SLC38A8: variants seen among roughly 807,000 people sequenced by gnomAD.
SLC38A8 encodes solute carrier family 38 member 8.
SLC38A8 carries 65 observed loss-of-function variants against 46.0 expected under a neutral mutation model. That is an observed-to-expected ratio of 1.41 (90% CI 1.16 to 1.74). SLC38A8 has a LOEUF of 1.74. SLC38A8 is among the 40% of genes most tolerant of loss of function. The probability of loss-of-function intolerance (pLI) is 0.00; values close to 1 mark genes in which losing one functional copy is unlikely to be tolerated. For synonymous variants in SLC38A8, 447 were observed against 243.7 expected, an observed-to-expected ratio of 1.83 and a Z score of -7.77; for missense variants, 998 against 567.9, an observed-to-expected ratio of 1.76 and a Z score of -7.70.
In SLC38A8 at chr16:84,011,428, A is replaced by G. The variant is rs1400429219; in HGVS notation, c.1215-1551T>C. On this transcript the variant is annotated intron_variant, in intron 10 of 10. Coordinates refer to ENST00000299709, the MANE Select transcript of SLC38A8 (RefSeq NM_001080442.3). ...ATCCAGAAACACTGCTCTCAAATCC[A>G]GAAGAAACCGGGCCAGGCCTGCTCC... Among the ~76,000 whole-genome samples, 4 of 152,346 alleles carry G rather than the reference A, an allele frequency of 2.6e-5. 1 individual carries two copies. The South Asian group carries it at 8.3e-4, about 32-fold the overall frequency.
At position 84,036,967 on chromosome 16, in the gene SLC38A8, C is replaced by T. The variant is rs2085307843; in HGVS notation, c.190-67G>A. 5.5e-6 allele frequency: 8 copies of T among 1,458,962 alleles called. No homozygotes were observed. In the East Asian group the frequency reaches 2.0e-4, roughly 36 times the overall value. 90.4% of individuals were successfully genotyped at this position (1,458,962 alleles called of 1,614,324 possible). A position where few individuals can be genotyped will look rare whatever the true frequency, so the allele number is the denominator to read the frequency against. On this transcript the variant is annotated intron_variant, in intron 2 of 10. Transcript: ENST00000299709. ...AGCCCACCCACCCCCAGCCAGCCACCCCTCGGGCACACTCTCCACATGGCT... is the reference window on the plus strand; with the variant it reads ...AGCCCACCCACCCCCAGCCAGCCACTCCTCGGGCACACTCTCCACATGGCT...
intron 1 of SLC38A8, 71 bp downstream of exon 1, chr16:84,042,480 C>A (rs532190257): frequency 2.1e-5 from 5 of 237,564 alleles, no homozygotes; most frequent in Non-Finnish European, 3.3e-5. Context: ...CTCTCTCCCC[C>A]CATTCCCATC....
At chr16:84,025,286 C>T (rs2085148565) in intron 6 of SLC38A8, among the ~76,000 whole-genome samples, 1 of 152,168 alleles carries the variant, frequency 6.6e-6, no homozygotes, top group Non-Finnish European at 1.5e-5. Context: ...CCTGCCCGCC[C>T]TGTAGGGACC....
chr16:84,024,758 T>TGGCTCGCCGCAACCTC (rs990845248), intron 6 of SLC38A8, among the ~76,000 whole-genome samples: 2 of 151,310 alleles, frequency 1.3e-5, no homozygotes, highest in African/African-American at 4.8e-5. Flanking sequence ...GGCGCGAACT[T>TGGCTCGCCGCAACCTC]GGCTCGCCGC....
intron 4 of SLC38A8, among the ~76,000 whole-genome samples, chr16:84,032,976 G>T (rs2085262118): frequency 7.0e-6 from 1 of 143,440 alleles, no homozygotes; most frequent in Non-Finnish European, 1.5e-5. Context: ...GCATGGGGGG[G>T]TGTGGGTAGG....
intron 9 of SLC38A8, 96 bp from the exon 10 acceptor site, chr16:84,013,148 CA>C: frequency 1.3e-5 from 18 of 1,425,258 alleles, no homozygotes; most frequent in Non-Finnish European, 1.6e-5. Context: ...AGGAGGCCAG[CA>C]AGGCCTCCGC....
chr16:84,022,618 A>C, intron 7 of SLC38A8, among the ~76,000 whole-genome samples, 157 bp downstream of exon 7: 1 of 152,218 alleles, frequency 6.6e-6, no homozygotes. Context: ...CTATGAAATG[A>C]GGCCTTTTCC....
intron 10 of SLC38A8, among the ~76,000 whole-genome samples, chr16:84,011,063 C>G (rs758178671): frequency 6.6e-6 from 1 of 152,166 alleles, no homozygotes; most frequent in Non-Finnish European, 1.5e-5. Flanking sequence ...TAACAAAGAC[C>G]AGAAGGCCGG....
chr16:84,037,286 C>T (rs778833456), intron 2 of SLC38A8, among the ~76,000 whole-genome samples: 1 of 152,340 alleles, frequency 6.6e-6, no homozygotes, highest in Non-Finnish European at 1.5e-5. Flanking sequence ...GTGGAGCGGG[C>T]ACAGCCGGGC....
At chr16:84,040,745 A>G (rs150125442) in intron 2 of SLC38A8, among the ~76,000 whole-genome samples, 85 of 152,130 alleles carry the variant, frequency 5.6e-4, no homozygotes, top group African/African-American at 2.0e-3. Context: ...GAGGCTTCCG[A>G]CCACGCCATG....
chr16:84,034,670 C>G (rs761564975), intron 3 of SLC38A8, among the ~76,000 whole-genome samples: 10 of 152,144 alleles, frequency 6.6e-5, no homozygotes, highest in Non-Finnish European at 1.3e-4. Flanking sequence ...CTCAAGCGTA[C>G]GAAATGATGA....
chr16:84,020,311 T>A (rs552321937), intron 7 of SLC38A8, among the ~76,000 whole-genome samples: 33 of 152,290 alleles, frequency 2.2e-4, no homozygotes, highest in African/African-American at 7.0e-4. Context: ...GTTCTGCTCA[T>A]TTAAAAAATG....
In SLC38A8 at chr16:84,016,388, T is replaced by TA. The variant is rs544490376; in HGVS notation, c.1162+130dup. On this transcript the variant is annotated intron_variant, in intron 9 of 10. Coordinates refer to ENST00000299709, the MANE Select transcript of SLC38A8 (RefSeq NM_001080442.3). Reference sequence around the variant, plus strand: ...TGCCTGGCTCAATAAAAAGGGCACCTACATGGGGTCTTAATCCTACCCATA... The same window carrying TA: ...TGCCTGGCTCAATAAAAAGGGCACCTAACATGGGGTCTTAATCCTACCCATA... The TA allele has an allele frequency of 4.0e-3, 4,054 of 1,021,920 alleles. 20 individuals are homozygous for TA. Among genetic ancestry groups the TA allele is most frequent in the Middle Eastern group, 6.0e-3 (20 of 3,340 alleles). The allele number at this position is 1,021,920 out of a possible 1,614,324, so 63.3% of individuals were successfully genotyped here.
chr16:84,017,205 AATG>A lies in SLC38A8; in HGVS notation c.885_887del (p.Ile296del), dbSNP rs1194550426. ...AGACAGCAAAAAGGACCCGGGCCAC[AATG>A]ATGACCATATCATTGCCTGGGTAGG... On this transcript the variant is annotated inframe_deletion, in exon 8 of 11. Transcript: ENST00000299709. 1.2e-5 allele frequency: 20 copies of A among 1,614,036 alleles called. No homozygotes were observed. In the South Asian group the frequency reaches 2.0e-4, roughly 16 times the overall value.
At chr16:84,019,090 T>C (rs542653374) in intron 7 of SLC38A8, among the ~76,000 whole-genome samples, 1 of 152,194 alleles carries the variant, frequency 6.6e-6, no homozygotes, top group African/African-American at 2.4e-5. Flanking sequence ...AAAAATTTTT[T>C]TTTTTTTTGA....
intron 9 of SLC38A8, among the ~76,000 whole-genome samples, chr16:84,014,728 C>G (rs368527758): frequency 5.6e-4 from 85 of 152,338 alleles, no homozygotes; most frequent in African/African-American, 1.7e-3. Flanking sequence ...GGAGCTGGGG[C>G]AGGTACGGTT....
intron 2 of SLC38A8, among the ~76,000 whole-genome samples, chr16:84,039,509 C>T (rs1362333389): frequency 1.3e-5 from 2 of 152,052 alleles, no homozygotes; most frequent in Non-Finnish European, 2.9e-5. Flanking sequence ...CTTTGGGAGG[C>T]CAAGGCGGGT....
chr16:84,012,488 G>A (rs2084966087), intron 10 of SLC38A8, among the ~76,000 whole-genome samples: 1 of 152,218 alleles, frequency 6.6e-6, no homozygotes, highest in South Asian at 2.1e-4. Flanking sequence ...TCCTAGCTCT[G>A]TCCTCACTAG....
At position 84,032,354 on chromosome 16, in the gene SLC38A8, A is replaced by C. The variant is rs149145786; in HGVS notation, c.531-386T>G. On this transcript the variant is annotated intron_variant, in intron 4 of 10. Transcript: ENST00000299709. ...CAGGTGTCCGCCCCCACGCCTCGCT[A>C]ATTTTTGTACTTTTAGTAGAGACAG... 4.6e-3 allele frequency among the ~76,000 whole-genome samples: 706 copies of C among 152,128 alleles called. 2 individuals carry two copies. The highest frequency in any genetic ancestry group is 0.016 in the African/African-American group (680 of 41,482).
Sources: allele counts gnomAD v4.1 joint callset (sites outside exome capture counted in the v4.1 genomes callset), GRCh38; gene constraint gnomAD v4.1.1; transcripts MANE v1.5; gene names NCBI Gene and HGNC (gene_info 2026-07-23, HGNC 2026-07-21).